FAM168A: variants seen among roughly 807,000 people sequenced by gnomAD.
The protein encoded by FAM168A is family with sequence similarity 168 member A.
A neutral mutation model predicts 28.5 loss-of-function variants in FAM168A; 3 were observed. That is an observed-to-expected ratio of 0.11 (90% CI 0.05 to 0.27). The LOEUF (loss-of-function observed/expected upper bound fraction) is 0.27. FAM168A is among the 10% of genes least tolerant of loss of function. The pLI is 1.00. For missense variants in FAM168A, 222 were observed against 311.5 expected (o/e 0.71, Z 2.16); for synonymous variants, 122 against 124.2 (o/e 0.98, Z 0.12).
intron 1 of FAM168A, among the ~76,000 whole-genome samples, chr11:73,476,856 T>G (rs1867895605): frequency 1.3e-5 from 2 of 152,020 alleles, no homozygotes; most frequent in Admixed American, 1.3e-4. Context: ...AAAGAATCAC[T>G]GAACTTGAAG....
At position 73,403,214 on chromosome 11, in the gene FAM168A, T is replaced by A. The variant is rs1866444372; in HGVS notation, c.*3549A>T. 1 of 152,232 alleles carries A rather than the reference T, an allele frequency of 6.6e-6. No homozygotes were observed. The allele number at this position is 152,232 out of a possible 1,614,324, so 9.4% of individuals were successfully genotyped here. ...AGGTAAGAAAGAACAGCAACTGTCC[T>A]ATCTCATGAGGAAGAAATTAAATAT... is the stretch of plus-strand genomic sequence containing the variant. On this transcript the variant is annotated 3_prime_UTR_variant, in exon 8 of 8. Coordinates refer to ENST00000356467, the MANE Select transcript of FAM168A (RefSeq NM_015159.3).
chr11:73,408,999 G>C (rs986443992), intron 6 of FAM168A, among the ~76,000 whole-genome samples: 1 of 151,912 alleles, frequency 6.6e-6, no homozygotes, highest in African/African-American at 2.4e-5. Context: ...CTTGCTTCCA[G>C]ATCACCCCTT....
chr11:73,443,259 A>G (rs1867238240), intron 2 of FAM168A, among the ~76,000 whole-genome samples: 1 of 152,038 alleles, frequency 6.6e-6, no homozygotes, highest in East Asian at 1.9e-4. Flanking sequence ...AAAATAAGCC[A>G]AGTGCACAAA....
intron 1 of FAM168A, among the ~76,000 whole-genome samples, chr11:73,594,255 A>G (rs1479509326): frequency 6.7e-6 from 1 of 148,568 alleles, no homozygotes; most frequent in African/African-American, 2.5e-5. Context: ...ATACGCTACC[A>G]CACCCAGCAA....
intron 1 of FAM168A, among the ~76,000 whole-genome samples, chr11:73,492,807 C>A (rs913799939): frequency 6.6e-6 from 1 of 152,148 alleles, no homozygotes; most frequent in Non-Finnish European, 1.5e-5. Context: ...AGTTCAAAAT[C>A]CTGGTGGCAA....
intron 3 of FAM168A, among the ~76,000 whole-genome samples, chr11:73,421,555 T>G (rs1192743644): frequency 6.6e-6 from 1 of 152,216 alleles, no homozygotes; most frequent in Non-Finnish European, 1.5e-5. Context: ...GACATGGCTC[T>G]GCAGACAATG....
intron 1 of FAM168A, among the ~76,000 whole-genome samples, chr11:73,522,057 A>T (rs1943387944): frequency 1.3e-5 from 2 of 152,208 alleles, no homozygotes; most frequent in South Asian, 4.1e-4. Context: ...AATGGAGCAT[A>T]GCTTGCACTC....
chr11:73,573,245 TAGA>T (rs1944128565), intron 1 of FAM168A, among the ~76,000 whole-genome samples: 1 of 152,218 alleles, frequency 6.6e-6, no homozygotes, highest in Non-Finnish European at 1.5e-5. Context: ...TACATACTCC[TAGA>T]AGGCTTAAAA....
intron 1 of FAM168A, among the ~76,000 whole-genome samples, chr11:73,582,971 G>A (rs909328011): frequency 5.3e-5 from 8 of 152,132 alleles, no homozygotes; most frequent in African/African-American, 1.9e-4. Context: ...CAACGGGCAG[G>A]GAGCAAGGGG....
chr11:73,578,884 A>G (rs1275164399), intron 1 of FAM168A, among the ~76,000 whole-genome samples: 1 of 152,232 alleles, frequency 6.6e-6, no homozygotes, highest in Non-Finnish European at 1.5e-5. Context: ...GAAAGTGACA[A>G]TAGCAATGCT....
intron 2 of FAM168A, among the ~76,000 whole-genome samples, chr11:73,448,971 A>G (rs1438683334): frequency 2.0e-5 from 3 of 150,988 alleles, no homozygotes; most frequent in African/African-American, 7.3e-5. Flanking sequence ...CTCTATCTCT[A>G]TCTTTCCTTT....
intron 1 of FAM168A, among the ~76,000 whole-genome samples, chr11:73,502,197 AATC>A (rs1239011703): frequency 6.6e-6 from 1 of 152,038 alleles, no homozygotes; most frequent in Non-Finnish European, 1.5e-5. Flanking sequence ...TCAAAAAAAA[AATC>A]AACAAATCCA....
At position 73,474,811 on chromosome 11, in the gene FAM168A, C is replaced by A. The variant is rs376247257; in HGVS notation, c.-18-6319G>T. Reference sequence around the variant, plus strand: ...AACAAACAATGAGCCATCTTTCATGCTTCTCCAAAATAAAACTGTGAAAAA... The same window carrying A: ...AACAAACAATGAGCCATCTTTCATGATTCTCCAAAATAAAACTGTGAAAAA... On this transcript the variant is annotated intron_variant, in intron 1 of 7. Coordinates refer to ENST00000356467, the MANE Select transcript of FAM168A (RefSeq NM_015159.3). 1.2e-4 allele frequency among the ~76,000 whole-genome samples: 19 copies of A among 152,294 alleles called. No individual in the cohort carries two copies. The South Asian group carries it at 1.4e-3, about 12-fold the overall frequency.
At chr11:73,480,720 A>AAAC (rs143495376) in intron 1 of FAM168A, among the ~76,000 whole-genome samples, 25 of 149,988 alleles carry the variant, frequency 1.7e-4, no homozygotes, top group South Asian at 4.2e-4. Flanking sequence ...ACAAACAAAC[A>AAAC]AACAACAACA....
intron 2 of FAM168A, among the ~76,000 whole-genome samples, chr11:73,432,407 T>C (rs1867010812): frequency 1.3e-5 from 2 of 152,122 alleles, no homozygotes; most frequent in Non-Finnish European, 2.9e-5. Flanking sequence ...GCATGAGAGT[T>C]CAAATTTCTC....
chr11:73,532,334 T>G (rs768962497), intron 1 of FAM168A, among the ~76,000 whole-genome samples: 1 of 152,250 alleles, frequency 6.6e-6, no homozygotes, highest in East Asian at 1.9e-4. Flanking sequence ...TTATTCCTAG[T>G]ACACCGCAGG....
At chr11:73,566,455 G>A (rs943929710) in intron 1 of FAM168A, among the ~76,000 whole-genome samples, 1 of 152,106 alleles carries the variant, frequency 6.6e-6, no homozygotes, top group African/African-American at 2.4e-5. Flanking sequence ...GGTTTTAGCA[G>A]CACCTACCAA....
chr11:73,451,004 T>C (rs1867418255), intron 2 of FAM168A, among the ~76,000 whole-genome samples: 1 of 152,156 alleles, frequency 6.6e-6, no homozygotes, highest in South Asian at 2.1e-4. Context: ...GAACCAGGAA[T>C]GAATAGGTGC....
chr11:73,578,776 T>C (rs1944206406), intron 1 of FAM168A, among the ~76,000 whole-genome samples: 2 of 152,234 alleles, frequency 1.3e-5, no homozygotes, highest in Non-Finnish European at 2.9e-5. Context: ...CAGTAAAGTC[T>C]TTGGCATCAC....
Sources: gnomAD v4.1 joint callset for allele counts (sites outside exome capture counted in the v4.1 genomes callset) on GRCh38, gnomAD v4.1.1 for gene constraint, MANE v1.5 for transcripts, NCBI Gene and HGNC (gene_info 2026-07-23, HGNC 2026-07-21) for gene names.